Variants in MAMDC2 observed in about 807,000 individuals in gnomAD.
MAMDC2 encodes the protein MAM domain-containing protein 2.
Under a neutral mutation model 89.8 loss-of-function variants are expected in MAMDC2, and 57 were observed. The observed-to-expected ratio is 0.63, with a 90% CI of 0.51 to 0.79. The LOEUF is 0.79. Ranked by LOEUF, MAMDC2 falls within the 30% of genes least tolerant of loss-of-function variation. MAMDC2 has a pLI of 0.00. For synonymous variants in MAMDC2, 313 were observed against 293.4 expected, an observed-to-expected ratio of 1.07 and a Z score of -0.68; for missense variants, 800 against 820.6, an observed-to-expected ratio of 0.97 and a Z score of 0.31.
intron 7 of MAMDC2, among the ~76,000 whole-genome samples, chr9:70,133,664 T>C (rs1232519047): frequency 6.6e-6 from 1 of 152,204 alleles, no homozygotes; most frequent in African/African-American, 2.4e-5. Flanking sequence ...GTCATGTTAT[T>C]TAACTTCTTT....
chr9:70,108,966 G>T (rs1244821045), intron 3 of MAMDC2, among the ~76,000 whole-genome samples: 2 of 152,184 alleles, frequency 1.3e-5, no homozygotes, highest in African/African-American at 2.4e-5. Context: ...GAGGGAAGTT[G>T]TTCCTTTGGG....
intron 9 of MAMDC2, among the ~76,000 whole-genome samples, chr9:70,155,937 T>A (rs189461733): frequency 1.3e-5 from 2 of 152,340 alleles, no homozygotes; most frequent in East Asian, 3.9e-4. Flanking sequence ...ATGGTATTTG[T>A]GTAATGAAGG....
At chr9:70,165,267 A>C (rs1484152647) in intron 9 of MAMDC2, among the ~76,000 whole-genome samples, 1 of 152,204 alleles carries the variant, frequency 6.6e-6, no homozygotes, top group Non-Finnish European at 1.5e-5. Context: ...CCGCTTGCCC[A>C]GTCACCAACT....
At chr9:70,180,936 T>C (rs2032633139) in intron 11 of MAMDC2, among the ~76,000 whole-genome samples, 1 of 152,242 alleles carries the variant, frequency 6.6e-6, no homozygotes, top group Non-Finnish European at 1.5e-5. Flanking sequence ...CCCATGTCTA[T>C]GTCCTGAATG....
chr9:70,145,190 G>GT (rs947348964), intron 9 of MAMDC2, among the ~76,000 whole-genome samples: 12 of 152,272 alleles, frequency 7.9e-5, no homozygotes, highest in Admixed American at 5.2e-4. Flanking sequence ...AGATAGTGTT[G>GT]TAAGTATTCC....
chr9:70,060,986 G>T (rs1169078880), intron 2 of MAMDC2, among the ~76,000 whole-genome samples: 1 of 152,102 alleles, frequency 6.6e-6, no homozygotes, highest in Non-Finnish European at 1.5e-5. Context: ...TCCCAAAGCA[G>T]TTGGGAAAAA....
intron 2 of MAMDC2, chr9:70,087,256 G>T (rs886199093): frequency 6.6e-6 from 1 of 152,064 alleles, no homozygotes; most frequent in Non-Finnish European, 1.5e-5. Flanking sequence ...AATTCAAATT[G>T]GCTTAAGCTA....
intron 5 of MAMDC2, among the ~76,000 whole-genome samples, chr9:70,123,624 T>G (rs1390742089): frequency 1.3e-5 from 2 of 152,184 alleles, no homozygotes; most frequent in African/African-American, 4.8e-5. Flanking sequence ...AATGTGACCT[T>G]GCTTGGACAT....
rs1237617019 is a variant in MAMDC2, at chr9:70,226,806, G to T, written c.*774G>T. ...TATAAATGTGTTAAACAATTTTACT[G>T]ATTTTTATAATAAATATTTTGGTAA... is the stretch of plus-strand genomic sequence containing the variant. On this transcript the variant is annotated 3_prime_UTR_variant, in exon 14 of 14. Transcript: ENST00000377182. 1 of 151,918 alleles carries T rather than the reference G, an allele frequency of 6.6e-6. No individual in the cohort carries two copies. Among genetic ancestry groups the T allele is most frequent in the Non-Finnish European group, 1.5e-5 (1 of 67,918 alleles). The allele number at this position is 151,918 out of a possible 1,614,324, so 9.4% of individuals were successfully genotyped here.
intron 11 of MAMDC2, among the ~76,000 whole-genome samples, chr9:70,189,872 C>T (rs1460480152): frequency 2.0e-5 from 3 of 152,014 alleles, no homozygotes; most frequent in East Asian, 1.9e-4. Context: ...CAATCTGCTG[C>T]TGGGCCCTCT....
At chr9:70,183,391 C>T (rs1212366236) in intron 11 of MAMDC2, among the ~76,000 whole-genome samples, 1 of 152,114 alleles carries the variant, frequency 6.6e-6, no homozygotes, top group Non-Finnish European at 1.5e-5. Context: ...GAGTTCAAGT[C>T]CTGGATATCC....
chr9:70,208,783 C>G (rs1254169410), intron 11 of MAMDC2, among the ~76,000 whole-genome samples: 1 of 151,196 alleles, frequency 6.6e-6, no homozygotes, highest in African/African-American at 2.4e-5. Flanking sequence ...TCATAGATAG[C>G]TATTATTTTG....
chr9:70,145,887 CAACT>C (rs1463756084), intron 9 of MAMDC2, among the ~76,000 whole-genome samples: 2 of 152,078 alleles, frequency 1.3e-5, no homozygotes, highest in Non-Finnish European at 2.9e-5. Context: ...GATATGTAAG[CAACT>C]AACTACCATG....
chr9:70,209,832 G>C (rs2033313384), intron 11 of MAMDC2, among the ~76,000 whole-genome samples: 1 of 152,158 alleles, frequency 6.6e-6, no homozygotes. Flanking sequence ...CTGGTATATT[G>C]TGTCTTTGTT....
intron 11 of MAMDC2, among the ~76,000 whole-genome samples, chr9:70,171,559 C>A (rs916375466): frequency 2.0e-5 from 3 of 152,094 alleles, no homozygotes; most frequent in South Asian, 2.1e-4. Flanking sequence ...CTCACTCACA[C>A]CCCCATTCCA....
chr9:70,162,906 C>A (rs1293742182), intron 9 of MAMDC2, among the ~76,000 whole-genome samples: 1 of 40,738 alleles, frequency 2.5e-5, no homozygotes, highest in Non-Finnish European at 5.6e-5. Context: ...CAACCACCCC[C>A]CTCAAAAAAA....
At chr9:70,212,928 C>T (rs1171773810) in intron 11 of MAMDC2, among the ~76,000 whole-genome samples, 1 of 152,164 alleles carries the variant, frequency 6.6e-6, no homozygotes, top group Non-Finnish European at 1.5e-5. Context: ...TTAGAGGAGG[C>T]TGTGCAGGCT....
At chr9:70,124,693 A>G (rs2030449347) in intron 5 of MAMDC2, among the ~76,000 whole-genome samples, 1 of 152,110 alleles carries the variant, frequency 6.6e-6, no homozygotes, top group Non-Finnish European at 1.5e-5. Flanking sequence ...AATGGAGAAA[A>G]GGTATTCTTT....
At chr9:70,126,468 C>T (rs1361478805) in intron 6 of MAMDC2, 53 bp downstream of exon 6, 4 of 1,560,216 alleles carry the variant, frequency 2.6e-6, no homozygotes, top group Non-Finnish European at 2.6e-6. Flanking sequence ...AGACATGCCA[C>T]CCACACACAG....
Sources: gnomAD v4.1 joint callset for allele counts (sites outside exome capture counted in the v4.1 genomes callset) on GRCh38, gnomAD v4.1.1 for gene constraint, MANE v1.5 for transcripts, NCBI Gene and HGNC (gene_info 2026-07-23, HGNC 2026-07-21) for gene names.